Variants in LMF1 observed in about 807,000 individuals in gnomAD.
The protein encoded by LMF1 is lipase maturation factor 1.
LMF1 carries 68 observed loss-of-function variants against 60.6 expected under a neutral mutation model. The ratio of observed to expected loss-of-function variants is 1.12; its 90% CI spans 0.92 to 1.37. The LOEUF is 1.37. LMF1 is among the 40% of genes most tolerant of loss of function. The probability of loss-of-function intolerance (pLI) is 0.00; values close to 1 mark genes in which losing one functional copy is unlikely to be tolerated. For missense variants in LMF1, 948 were observed against 767.2 expected, an observed-to-expected ratio of 1.24 and a Z score of -2.78; for synonymous variants, 418 against 324.7, an observed-to-expected ratio of 1.29 and a Z score of -3.09.
chr16:979,482 C>T (rs1003419990), intron 1 of LMF1: 11 of 368,360 alleles, frequency 3.0e-5, no homozygotes, highest in South Asian at 1.4e-4. Flanking sequence ...AAGGAGCAGG[C>T]GCTGTTGGAG....
At chr16:976,042 C>T (rs1424289878) in intron 1 of LMF1, 1 of 271,452 alleles carries the variant, frequency 3.7e-6, no homozygotes, top group Non-Finnish European at 6.6e-6. Context: ...GAAGGTTGAG[C>T]TTGGAAGGAC....
exon 1 of LMF1, chr16:981,280 G>A (rs1238067858): frequency 4.5e-6 from 2 of 448,248 alleles, no homozygotes; most frequent in African/African-American, 2.1e-5. Flanking sequence ...GCGCGAGACG[G>A]GCTGTGTGTG....
At chr16:924,993 G>T (rs1005623857) in intron 3 of LMF1, among the ~76,000 whole-genome samples, 1 of 152,218 alleles carries the variant, frequency 6.6e-6, no homozygotes, top group Non-Finnish European at 1.5e-5. Flanking sequence ...CCGGCAGCGG[G>T]GGGTGGAGGG....
At position 866,443 on chromosome 16, in the gene LMF1, C is replaced by A. The variant is rs1244777924; in HGVS notation, c.1529+2501G>T. Among the ~76,000 whole-genome samples, 4 of 152,116 alleles carry A rather than the reference C, an allele frequency of 2.6e-5. No individual in the cohort carries two copies. In the East Asian group the frequency reaches 7.7e-4, roughly 29 times the overall value. ...GGGTGGTGGTGAAGGTCCTGACTTT[C>A]TGGTAGCTATTACGTAATACCACTC... is the stretch of plus-strand genomic sequence containing the variant. On this transcript the variant is annotated intron_variant, in intron 10 of 10. Coordinates refer to ENST00000262301, the MANE Select transcript of LMF1 (RefSeq NM_022773.4).
Position 870,717 on chromosome 16 carries a change from C to T in LMF1, c.1232+12G>A. ...TACCCAGCTCCGGGGGACGGGGACC[C>T]CAGGCTCATACCTTCCGAAGGCCCC... On this transcript the variant is annotated intron_variant, in intron 8 of 10. Coordinates refer to ENST00000262301, the MANE Select transcript of LMF1 (RefSeq NM_022773.4). 6.2e-7 allele frequency: 1 copy of T among 1,612,400 alleles called. No homozygotes were observed. Among genetic ancestry groups the T allele is most frequent in the South Asian group, 1.1e-5 (1 of 91,078 alleles).
chr16:858,584 GGTGTGAGTGGTGT>G (rs2069293067), intron 10 of LMF1, among the ~76,000 whole-genome samples: 3 of 89,956 alleles, frequency 3.3e-5, no homozygotes, highest in Non-Finnish European at 4.7e-5. Context: ...TCTCGGGACG[GGTGTGAGTGGTGT>G]CTCGGGACGG....
chr16:977,182 A>C (rs1730218213), intron 1 of LMF1: 1 of 439,336 alleles, frequency 2.3e-6, no homozygotes, highest in East Asian at 7.1e-5. Flanking sequence ...GCCAGTTCTC[A>C]GGCAGACGCC....
upstream of LMF1, among the ~76,000 whole-genome samples, chr16:974,009 CA>C (rs34433197): frequency 0.023 from 1,932 of 85,774 alleles, 37 homozygotes; most frequent in African/African-American, 0.069. Context: ...GACTCTGTCT[CA>C]AAAAAAAAAA....
intron 3 of LMF1, among the ~76,000 whole-genome samples, chr16:930,273 A>G (rs1205481163): frequency 6.7e-6 from 1 of 148,630 alleles, no homozygotes; most frequent in Non-Finnish European, 1.5e-5. Context: ...ACAGGGGCGC[A>G]GGACCCTGGG....
chr16:880,385 A>G (rs555576956), intron 5 of LMF1, among the ~76,000 whole-genome samples: 2 of 152,304 alleles, frequency 1.3e-5, no homozygotes, highest in East Asian at 3.9e-4. Flanking sequence ...ATTCAAAACT[A>G]TCAAGGCCAG....
rs567151676 is a variant in LMF1, at chr16:922,686, C to T, written c.514+11558G>A. 1.1e-3 allele frequency among the ~76,000 whole-genome samples: 145 copies of T among 136,368 alleles called. 3 individuals carry two copies. Among genetic ancestry groups the T allele is most frequent in the African/African-American group, 3.4e-3 (120 of 35,800 alleles). The allele number at this position is 136,368 out of a possible 152,430, so 89.5% of individuals were successfully genotyped here. ...TTCGGGTGTGATGTGGTATTGGTGT[C>T]GTGTTGTTGCGAAGGCCCTGTGTGA... On this transcript the variant is annotated intron_variant, in intron 3 of 10. Coordinates refer to ENST00000262301, the MANE Select transcript of LMF1 (RefSeq NM_022773.4).
intron 10 of LMF1, 113 bp from the exon 11 acceptor site, chr16:854,819 G>T (rs1015677282): frequency 1.0e-6 from 1 of 985,162 alleles, no homozygotes; most frequent in African/African-American, 1.6e-5. Flanking sequence ...CGGACAGAGG[G>T]GCTGCATGAG....
intron 3 of LMF1, among the ~76,000 whole-genome samples, chr16:916,162 G>A (rs1011036776): frequency 6.6e-6 from 1 of 152,174 alleles, no homozygotes; most frequent in Non-Finnish European, 1.5e-5. Context: ...CTGTAGGAGA[G>A]AACGCCAGCT....
In LMF1 at chr16:955,102, G is replaced by GCACA. The variant is rs772038218; in HGVS notation, c.194-440_194-437dup. 3.2e-5 allele frequency among the ~76,000 whole-genome samples: 4 copies of GCACA among 124,142 alleles called. 1 individual carries two copies. Among genetic ancestry groups the GCACA allele is most frequent in the Non-Finnish European group, 6.6e-5 (4 of 60,474 alleles). 81.4% of individuals were successfully genotyped at this position (124,142 alleles called of 152,430 possible). On this transcript the variant is annotated intron_variant, in intron 1 of 10. Coordinates refer to ENST00000262301, the MANE Select transcript of LMF1 (RefSeq NM_022773.4). ...CGTGCCCGCAGCAGACGCGGTGTGTGCACACACACACACACATCTAAGTAA... is the reference window on the plus strand; with the variant it reads ...CGTGCCCGCAGCAGACGCGGTGTGTGCACACACACACACACACACATCTAAGTAA...
chr16:940,488 A>G (rs954785211), intron 2 of LMF1, among the ~76,000 whole-genome samples: 1 of 152,190 alleles, frequency 6.6e-6, no homozygotes, highest in African/African-American at 2.4e-5. Context: ...CGACCACAGG[A>G]AACAGCTGGG....
chr16:951,649 G>A (rs1444878319), intron 2 of LMF1, among the ~76,000 whole-genome samples: 1 of 152,228 alleles, frequency 6.6e-6, no homozygotes, highest in African/African-American at 2.4e-5. Flanking sequence ...GCAAGTCCAC[G>A]CTGCGACAAA....
intron 1 of LMF1, among the ~76,000 whole-genome samples, chr16:968,203 C>A (rs1485494012): frequency 6.6e-6 from 1 of 152,228 alleles, no homozygotes; most frequent in Admixed American, 6.5e-5. Flanking sequence ...ATGCAGAGGC[C>A]TGTCGCTGGC....
At chr16:870,632 ATGGGGGCC>A in intron 8 of LMF1, 89 bp downstream of exon 8, 2 of 1,416,714 alleles carry the variant, frequency 1.4e-6, no homozygotes, top group Non-Finnish European at 2.0e-6. Flanking sequence ...ACTTGGGGTC[ATGGGGGCC>A]TGCACTGTAA....
intron 2 of LMF1, among the ~76,000 whole-genome samples, chr16:949,106 C>T (rs1597054943): frequency 6.7e-6 from 1 of 149,322 alleles, no homozygotes; most frequent in African/African-American, 2.5e-5. Context: ...ATGACAGAGC[C>T]AGCCAATGAC....
Sources: gnomAD v4.1 joint callset for allele counts (sites outside exome capture counted in the v4.1 genomes callset) on GRCh38, gnomAD v4.1.1 for gene constraint, MANE v1.5 for transcripts, NCBI Gene and HGNC (gene_info 2026-07-23, HGNC 2026-07-21) for gene names.